The following COL4A5 variants were observed in gnomAD, a reference collection of about 807,000 sequenced individuals.
COL4A5 encodes the protein collagen type IV alpha 5 chain.
In COL4A5, 26 loss-of-function variants were observed where a neutral mutation model predicts 130.2. The observed-to-expected ratio is 0.20, with a 90% CI of 0.15 to 0.28. The LOEUF (loss-of-function observed/expected upper bound fraction) is 0.28, where lower values mean the gene tolerates loss of function less well. Among genes scored for constraint, COL4A5 ranks in the 10% least tolerant of loss-of-function variants. The probability of loss-of-function intolerance (pLI) is 1.00; values close to 1 mark genes in which losing one functional copy is unlikely to be tolerated. For synonymous variants in COL4A5, 496 were observed against 439.6 expected (o/e 1.13, Z -1.60); for missense variants, 1,131 against 1,344.3 (o/e 0.84, Z 2.48).
chrX:108,686,845 A>G (rs2068554531), intron 48 of COL4A5, among the ~76,000 whole-genome samples: 1 of 112,270 alleles, frequency 8.9e-6, no homozygotes, highest in South Asian at 3.7e-4. Flanking sequence ...GAGTGGTAAT[A>G]CCTATAGCCT....
intron 42 of COL4A5, among the ~76,000 whole-genome samples, chrX:108,671,970 G>A (rs994644860): frequency 2.7e-5 from 3 of 111,703 alleles, no homozygotes; most frequent in Non-Finnish European, 3.8e-5. Flanking sequence ...TAAGAAACTT[G>A]CTCAGGGTAA....
chrX:108,670,611 T>C (rs1371319930), intron 42 of COL4A5: 4 of 331,644 alleles, frequency 1.2e-5, no homozygotes, highest in Admixed American at 3.3e-5. Context: ...GGACATTCTT[T>C]TTTTAAACAA....
intron 37 of COL4A5, among the ~76,000 whole-genome samples, chrX:108,659,420 A>G (rs60207072): frequency 0.1 from 11,547 of 110,651 alleles, 1,297 homozygotes; most frequent in African/African-American, 0.34. Context: ...TTGTTGGTAG[A>G]GTTGTTAAAA....
In COL4A5 at chrX:108,568,648, G is replaced by C; in HGVS notation, c.296G>C (p.Gly99Ala). The C allele has an allele frequency of 1.7e-6, 2 of 1,200,620 alleles. No individual in the cohort carries two copies. Among genetic ancestry groups the C allele is most frequent in the Non-Finnish European group, 2.3e-6 (2 of 886,160 alleles). Reference protein sequence around the residue: ...KGIRGPPGLPGFPGTPGLPGM... With the variant: ...KGIRGPPGLPAFPGTPGLPGM... ...TTATAGGGTCCTCCTGGACTTCCTG[G>C]ATTTCCAGGGACACCAGGTCTTCCT... The change falls in exon 5 of 53, where the codon GGA becomes GCA. Residue 99 changes from glycine (G) to alanine (A), a missense_variant. By Grantham distance (60) the Gly-to-Ala change is moderately conservative. Transcript: ENST00000328300.
Position 108,580,685 on chromosome X carries a change from C to G in COL4A5, c.838C>G (p.Pro280Ala). The change falls in exon 15 of 53, where the codon CCC becomes GCC. Residue 280 changes from proline (P) to alanine (A), a missense_variant. By Grantham distance (27) the Pro-to-Ala change is conservative. Transcript: ENST00000328300. ...GAAACTATTTTTATGTGTACAGGGTCCCCCAGGTGGTGAGAAAGGTGAGAA... is the reference window on the plus strand; with the variant it reads ...GAAACTATTTTTATGTGTACAGGGTGCCCCAGGTGGTGAGAAAGGTGAGAA... Reference protein sequence around the residue: ...GPPGIRGPPGPPGGEKGEKGE... With the variant: ...GPPGIRGPPGAPGGEKGEKGE... 2 of 1,209,364 alleles carry G rather than the reference C, an allele frequency of 1.7e-6. No homozygotes were observed. The highest frequency in any genetic ancestry group is 2.2e-6 in the Non-Finnish European group (2 of 893,761).
intron 47 of COL4A5, among the ~76,000 whole-genome samples, chrX:108,684,070 A>T (rs992768572): frequency 8.9e-6 from 1 of 111,746 alleles, no homozygotes; most frequent in East Asian, 2.8e-4. Context: ...AACCAATGAG[A>T]ACAAAGACAC....
intron 1 of COL4A5, among the ~76,000 whole-genome samples, chrX:108,504,101 G>A (rs906967082): frequency 3.6e-5 from 4 of 111,254 alleles, no homozygotes; most frequent in South Asian, 3.7e-4. Context: ...ACAACCAACC[G>A]ATCTTCTATG....
intron 4 of COL4A5, 146 bp downstream of exon 4, chrX:108,564,072 T>C (rs770709227): frequency 1.4e-5 from 6 of 442,233 alleles, no homozygotes; most frequent in Admixed American, 3.9e-5. Flanking sequence ...TAAGAGTTGG[T>C]ATATGTCTAT....
intron 47 of COL4A5, among the ~76,000 whole-genome samples, chrX:108,685,770 G>A (rs1040956402): frequency 6.2e-5 from 7 of 112,351 alleles, no homozygotes; most frequent in African/African-American, 1.6e-4. Context: ...CGAAAGTTGG[G>A]ACTTACATTC....
chrX:108,526,725 C>T (rs866731791), intron 1 of COL4A5, among the ~76,000 whole-genome samples: 39 of 80,331 alleles, frequency 4.9e-4, no homozygotes, highest in Non-Finnish European at 7.9e-4. Context: ...TTCTTTCTTT[C>T]TTCCTCCTCC....
chrX:108,485,849 C>T (rs761584252), intron 1 of COL4A5, among the ~76,000 whole-genome samples: 1 of 110,972 alleles, frequency 9.0e-6, no homozygotes, highest in African/African-American at 3.3e-5. Flanking sequence ...CTCCCCACCC[C>T]CAAATCCACT....
chrX:108,552,077 A>T (rs1227359842), intron 2 of COL4A5, among the ~76,000 whole-genome samples: 1 of 111,347 alleles, frequency 9.0e-6, no homozygotes, highest in African/African-American at 3.3e-5. Context: ...TGTTGGGGAG[A>T]CTGTTGAAAA....
chrX:108,542,109 A>T (rs1376404353), intron 2 of COL4A5, among the ~76,000 whole-genome samples: 2 of 110,931 alleles, frequency 1.8e-5, no homozygotes, highest in South Asian at 3.8e-4. Context: ...ATTTTATTTA[A>T]TTTTTTTTTA....
intron 1 of COL4A5, among the ~76,000 whole-genome samples, chrX:108,510,914 AT>A (rs1477829243): frequency 9.0e-6 from 1 of 111,615 alleles, no homozygotes; most frequent in African/African-American, 3.2e-5. Context: ...AAAACATATT[AT>A]GTGTAGTGAT....
chrX:108,695,367 G>A lies in COL4A5; in HGVS notation c.4922G>A (p.Arg1641Lys). The change falls in exon 52 of 53, where the codon AGG becomes AAG. Residue 1641 changes from arginine to lysine, a missense_variant. Arg to Lys is a conservative substitution (Grantham distance 26). Coordinates refer to ENST00000328300, the MANE Select transcript of COL4A5 (RefSeq NM_033380.3). ...RSAPFIECHGRGTCNYYANSY... is the reference protein window; with the variant it reads ...RSAPFIECHGKGTCNYYANSY... ...GCTCCCTTCATCGAATGTCATGGGAGGGGTACCTGTAACTACTATGCCAAC... is the reference window on the plus strand; with the variant it reads ...GCTCCCTTCATCGAATGTCATGGGAAGGGTACCTGTAACTACTATGCCAAC... The A allele has an allele frequency of 8.3e-7, 1 of 1,211,516 alleles. No homozygotes were observed. Among genetic ancestry groups the A allele is most frequent in the Admixed American group, 2.2e-5 (1 of 45,980 alleles).
chrX:108,657,710 T>A (rs2067870822), intron 37 of COL4A5, among the ~76,000 whole-genome samples: 1 of 111,425 alleles, frequency 9.0e-6, no homozygotes, highest in African/African-American at 3.2e-5. Flanking sequence ...TTATTAAATT[T>A]ATCTCTGGAA....
chrX:108,669,099 G>C (rs185475167), intron 41 of COL4A5, among the ~76,000 whole-genome samples: 1 of 112,075 alleles, frequency 8.9e-6, no homozygotes, highest in African/African-American at 3.2e-5. Context: ...CATTTGTCTT[G>C]TGTTCACTGC....
chrX:108,650,311 C>T (rs1019841858), intron 36 of COL4A5, among the ~76,000 whole-genome samples: 12 of 111,041 alleles, frequency 1.1e-4, no homozygotes, highest in African/African-American at 3.9e-4. Flanking sequence ...GGGAACACTT[C>T]TACACTGCTG....
At chrX:108,453,599 G>A (rs774861329) in intron 1 of COL4A5, among the ~76,000 whole-genome samples, 1 of 110,673 alleles carries the variant, frequency 9.0e-6, no homozygotes, top group Non-Finnish European at 1.9e-5. Flanking sequence ...CAGATGATGG[G>A]GTCTTCAATA....
Sources: gnomAD v4.1 joint callset for allele counts (sites outside exome capture counted in the v4.1 genomes callset) on GRCh38, gnomAD v4.1.1 for gene constraint, MANE v1.5 for transcripts, NCBI Gene and HGNC (gene_info 2026-07-23, HGNC 2026-07-21) for gene names.